F13A1: variants seen among roughly 807,000 people sequenced by gnomAD.
F13A1 encodes coagulation factor XIII A chain.
A neutral mutation model predicts 80.1 loss-of-function variants in F13A1; 47 were observed. The observed-to-expected ratio is 0.59, with a 90% CI of 0.46 to 0.75. F13A1 has a LOEUF of 0.75. Among genes scored for constraint, F13A1 ranks in the 30% least tolerant of loss-of-function variants. F13A1 has a pLI of 0.00. For synonymous variants in F13A1, 349 were observed against 344.9 expected, an observed-to-expected ratio of 1.01 and a Z score of -0.13; for missense variants, 817 against 930.4, an observed-to-expected ratio of 0.88 and a Z score of 1.59.
intron 11 of F13A1, among the ~76,000 whole-genome samples, chr6:6,181,154 C>T (rs1459699052): frequency 2.0e-5 from 3 of 152,200 alleles, no homozygotes; most frequent in Admixed American, 6.5e-5. Context: ...TGGTCATGTT[C>T]ACACTGTCTG....
chr6:6,185,294 C>T lies in F13A1; in HGVS notation c.1306-3153G>A, dbSNP rs1761059600. ...ATCCCTCCCCCCTCCCCCCACCCCA[C>T]AACAGTCCCCAAAGTGTGATGATAT... On this transcript the variant is annotated intron_variant, in intron 10 of 14. Coordinates refer to ENST00000264870, the MANE Select transcript of F13A1 (RefSeq NM_000129.4). Among the ~76,000 whole-genome samples, 6 of 126,886 alleles carry T rather than the reference C, an allele frequency of 4.7e-5. No homozygotes were observed. The Admixed American group carries it at 5.4e-4, about 11-fold the overall frequency. The allele number at this position is 126,886 out of a possible 152,430, so 83.2% of individuals were successfully genotyped here.
chr6:6,175,255 A>G (rs1760861845), intron 11 of F13A1, among the ~76,000 whole-genome samples: 1 of 152,186 alleles, frequency 6.6e-6, no homozygotes. Context: ...ATAATTGGAA[A>G]TAATTGCCTC....
intron 6 of F13A1, among the ~76,000 whole-genome samples, chr6:6,236,993 C>T (rs2113082010): frequency 6.6e-6 from 1 of 152,142 alleles, no homozygotes; most frequent in South Asian, 2.1e-4. Context: ...TCATGACATG[C>T]TAGGGTTTTG....
At chr6:6,211,616 A>T (rs1761611592) in intron 8 of F13A1, among the ~76,000 whole-genome samples, 1 of 152,280 alleles carries the variant, frequency 6.6e-6, no homozygotes. Flanking sequence ...GTCCAACTAG[A>T]TGAGTCATAC....
At chr6:6,313,054 T>C (rs2113198343) in intron 2 of F13A1, among the ~76,000 whole-genome samples, 1 of 152,348 alleles carries the variant, frequency 6.6e-6, no homozygotes, top group East Asian at 1.9e-4. Context: ...GTTCATTCCA[T>C]TGTCCATTTT....
chr6:6,206,728 G>A, intron 8 of F13A1: 1 of 368,540 alleles, frequency 2.7e-6, no homozygotes, highest in South Asian at 2.1e-5. Context: ...TCCATAGATG[G>A]CTTTCTACAT....
At chr6:6,190,413 C>G (rs1392889783) in intron 10 of F13A1, among the ~76,000 whole-genome samples, 1 of 151,412 alleles carries the variant, frequency 6.6e-6, no homozygotes, top group Non-Finnish European at 1.5e-5. Flanking sequence ...GTGTGGATGT[C>G]CTTTCTGTTT....
intron 10 of F13A1, among the ~76,000 whole-genome samples, chr6:6,182,817 A>G (rs997329068): frequency 1.3e-4 from 20 of 152,178 alleles, no homozygotes; most frequent in African/African-American, 4.6e-4. Flanking sequence ...AGGATTTCTT[A>G]TATGAGAAAA....
chr6:6,174,445 TC>T, intron 12 of F13A1, 134 bp downstream of exon 12: 1 of 960,530 alleles, frequency 1.0e-6, no homozygotes, highest in Non-Finnish European at 1.7e-6. Flanking sequence ...GAGTGGGTTC[TC>T]CCTGTGAGGC....
At chr6:6,303,041 A>T (rs9405913) in intron 3 of F13A1, among the ~76,000 whole-genome samples, 1 of 152,204 alleles carries the variant, frequency 6.6e-6, no homozygotes, top group Non-Finnish European at 1.5e-5. Flanking sequence ...TGCATCATTT[A>T]TGTAAAAACA....
At chr6:6,211,873 A>C (rs1485108771) in intron 8 of F13A1, among the ~76,000 whole-genome samples, 1 of 152,250 alleles carries the variant, frequency 6.6e-6, no homozygotes, top group Non-Finnish European at 1.5e-5. Context: ...CGGGAAGCGC[A>C]AGGGGTCAGG....
intron 8 of F13A1, among the ~76,000 whole-genome samples, chr6:6,210,452 CT>C (rs1216680010): frequency 6.8e-6 from 1 of 147,486 alleles, no homozygotes; most frequent in Non-Finnish European, 1.5e-5. Context: ...TCATGCCATT[CT>C]CCTGCCTCAG....
intron 13 of F13A1, 64 bp from the exon 14 acceptor site, chr6:6,152,013 A>G: frequency 6.3e-7 from 1 of 1,592,562 alleles, no homozygotes; most frequent in Non-Finnish European, 8.6e-7. Flanking sequence ...TTGTTGTCTT[A>G]ACCATCATCA....
At position 6,249,551 on chromosome 6, in the gene F13A1, C is replaced by A. The variant is rs561049840; in HGVS notation, c.691-1132G>T. ...AAGATACAATCAAGTGACTGTGCTC[C>A]AGGGTGCCTACCCAAAGGCAAGCTG... On this transcript the variant is annotated intron_variant, in intron 5 of 14. Transcript: ENST00000264870. Among the ~76,000 whole-genome samples the A allele has an allele frequency of 5.3e-5, 8 of 152,288 alleles. No individual in the cohort carries two copies. In the South Asian group the frequency reaches 1.7e-3, roughly 32 times the overall value.
rs566732399 is a variant in F13A1, at chr6:6,266,389, A to C, written c.571+169T>G. 2.0e-5 allele frequency among the ~76,000 whole-genome samples: 3 copies of C among 152,234 alleles called. No individual in the cohort carries two copies. In the South Asian group the frequency reaches 6.2e-4, roughly 32 times the overall value. ...TGGGAGTACAGGTGTGCACCACCAC[A>C]CCCATCTAATTTTTAATTTTTATTT... On this transcript the variant is annotated intron_variant, in intron 4 of 14. Coordinates refer to ENST00000264870, the MANE Select transcript of F13A1 (RefSeq NM_000129.4).
intron 8 of F13A1, among the ~76,000 whole-genome samples, chr6:6,198,496 G>A (rs1310411546): frequency 1.3e-5 from 2 of 152,134 alleles, no homozygotes; most frequent in Non-Finnish European, 2.9e-5. Flanking sequence ...GTGCCTAGAC[G>A]CCCTTCAATG....
At chr6:6,151,092 G>A (rs1414616289) in intron 14 of F13A1, among the ~76,000 whole-genome samples, 1 of 152,194 alleles carries the variant, frequency 6.6e-6, no homozygotes, top group Non-Finnish European at 1.5e-5. Flanking sequence ...CCTGACCATG[G>A]AATGGGTTAT....
intron 2 of F13A1, among the ~76,000 whole-genome samples, chr6:6,315,420 C>T (rs1008954511): frequency 2.2e-5 from 3 of 138,396 alleles, no homozygotes; most frequent in African/African-American, 8.6e-5. Flanking sequence ...CTGGGATTTC[C>T]GTGCCTACCT....
intron 13 of F13A1, among the ~76,000 whole-genome samples, chr6:6,166,745 C>T (rs565377057): frequency 6.6e-6 from 1 of 152,230 alleles, no homozygotes; most frequent in East Asian, 1.9e-4. Flanking sequence ...CCTCGGCCTT[C>T]CTCTGCCAAG....
Sources: allele counts gnomAD v4.1 joint callset (sites outside exome capture counted in the v4.1 genomes callset), GRCh38; gene constraint gnomAD v4.1.1; transcripts MANE v1.5; gene names NCBI Gene and HGNC (gene_info 2026-07-23, HGNC 2026-07-21).